B4GALT4: variants seen among roughly 807,000 people sequenced by gnomAD.
B4GALT4 encodes the protein beta-1,4-galactosyltransferase 4, also known as N-acetyllactosamine synthase.
A neutral mutation model predicts 37.3 loss-of-function variants in B4GALT4; 27 were observed. The ratio of observed to expected loss-of-function variants is 0.72; its 90% CI spans 0.53 to 1.00. The LOEUF (loss-of-function observed/expected upper bound fraction) is 1.00. Among genes scored for constraint, B4GALT4 ranks in the 50% least tolerant of loss-of-function variants. The pLI is 0.00. For synonymous variants in B4GALT4, 148 were observed against 154.1 expected (o/e 0.96, Z 0.29); for missense variants, 372 against 413.1 (o/e 0.90, Z 0.86).
chr3:119,227,731 T>G (rs1184249606), intron 3 of B4GALT4, among the ~76,000 whole-genome samples: 1 of 152,174 alleles, frequency 6.6e-6, no homozygotes, highest in South Asian at 2.1e-4. Context: ...GGTTTTTTTG[T>G]TTGTTTGTTT....
chr3:119,220,571 G>A (rs1479116244), intron 5 of B4GALT4, among the ~76,000 whole-genome samples: 2 of 152,202 alleles, frequency 1.3e-5, no homozygotes, highest in Admixed American at 6.5e-5. Context: ...GCAGAAAAAT[G>A]GGGGATCTCC....
chr3:119,221,685 T>C (rs1174408630), intron 5 of B4GALT4, among the ~76,000 whole-genome samples: 1 of 152,108 alleles, frequency 6.6e-6, no homozygotes, highest in African/African-American at 2.4e-5. Flanking sequence ...TAAATCAGAA[T>C]AGAAAATTAA....
intron 1 of B4GALT4, among the ~76,000 whole-genome samples, chr3:119,237,434 A>G (rs1179775176): frequency 6.6e-6 from 1 of 152,244 alleles, no homozygotes; most frequent in Non-Finnish European, 1.5e-5. Flanking sequence ...GCATTTCTCA[A>G]CATCTGGTTC....
chr3:119,235,115 T>C (rs985796200), intron 2 of B4GALT4: 1 of 152,242 alleles, frequency 6.6e-6, no homozygotes, highest in East Asian at 1.9e-4. Context: ...GATAAAATAC[T>C]GAGAAGTCTT....
At chr3:119,226,465 T>G (rs952292588) in intron 4 of B4GALT4, 1 of 262,312 alleles carries the variant, frequency 3.8e-6, no homozygotes, top group Non-Finnish European at 7.3e-6. Flanking sequence ...AATTCCAGAA[T>G]CTCATCATAT....
Position 119,238,689 on chromosome 3 carries a change from G to GA in B4GALT4, c.-363-1620dup, listed in dbSNP as rs561357947. On this transcript the variant is annotated intron_variant, in intron 1 of 7. Transcript: ENST00000393765. ...TAGTATAGATATGTATGCATATATA[G>GA]AAAAAAACAGCGTATATAGGGTTTG... Among the ~76,000 whole-genome samples the GA allele has an allele frequency of 3.9e-5, 6 of 151,960 alleles. No individual in the cohort carries two copies. The South Asian group carries it at 1.2e-3, about 32-fold the overall frequency.
chr3:119,231,627 CTAA>C (rs1490410649), intron 2 of B4GALT4, among the ~76,000 whole-genome samples: 2 of 151,262 alleles, frequency 1.3e-5, no homozygotes, highest in Non-Finnish European at 1.5e-5. Flanking sequence ...GTCTAGAAAG[CTAA>C]TAATAATTAT....
At chr3:119,221,240 T>A (rs1436904422) in intron 5 of B4GALT4, among the ~76,000 whole-genome samples, 1 of 152,204 alleles carries the variant, frequency 6.6e-6, no homozygotes, top group Non-Finnish European at 1.5e-5. Context: ...AATTTGCCAC[T>A]GGCTGGTCCA....
chr3:119,233,258 T>C (rs2078880732), intron 2 of B4GALT4: 1 of 152,212 alleles, frequency 6.6e-6, no homozygotes, highest in South Asian at 2.1e-4. Flanking sequence ...TCCCTCATTC[T>C]ACAGAGTGGG....
intron 5 of B4GALT4, among the ~76,000 whole-genome samples, chr3:119,223,443 G>A (rs538303581): frequency 1.3e-5 from 2 of 152,340 alleles, no homozygotes; most frequent in East Asian, 1.9e-4. Context: ...ATAGGAGCTG[G>A]TGAATCAAAT....
At chr3:119,221,872 A>G (rs1226431420) in intron 5 of B4GALT4, among the ~76,000 whole-genome samples, 1 of 152,208 alleles carries the variant, frequency 6.6e-6, no homozygotes, top group Non-Finnish European at 1.5e-5. Flanking sequence ...CCTAGTTATA[A>G]AAGAAACATC....
At position 119,216,298 on chromosome 3, in the gene B4GALT4, C is replaced by G; in HGVS notation, c.844G>C (p.Gly282Arg). Residue 282 changes from glycine to arginine, a missense_variant, in exon 7 of 8, where the codon GGT becomes CGT. By Grantham distance (125) the Gly-to-Arg change is moderately radical. Transcript: ENST00000393765. ...MKISRPLPEV[G>R]KYTMVFHTRD... ...GTGTGGAAGACCATTGTATATTTAC[C>G]CACTTCAGGCAGGGGCCGGGAAATT... The G allele has an allele frequency of 6.2e-7, 1 of 1,613,620 alleles. No homozygotes were observed. Among genetic ancestry groups the G allele is most frequent in the Non-Finnish European group, 8.5e-7 (1 of 1,179,774 alleles).
chr3:119,221,108 T>G (rs946566816), intron 5 of B4GALT4, among the ~76,000 whole-genome samples: 3 of 152,236 alleles, frequency 2.0e-5, no homozygotes, highest in African/African-American at 7.2e-5. Flanking sequence ...TAACTGGCCC[T>G]GGAACCTTTT....
intron 2 of B4GALT4, chr3:119,235,092 A>G (rs567001351): frequency 1.3e-5 from 2 of 152,370 alleles, no homozygotes; most frequent in South Asian, 4.1e-4. Context: ...GGGAGAACAG[A>G]TGAAACAAGA....
chr3:119,213,221 T>C (rs2078206813), intron 7 of B4GALT4: 1 of 151,888 alleles, frequency 6.6e-6, no homozygotes, highest in Non-Finnish European at 1.5e-5. Flanking sequence ...GTGAAGAAGG[T>C]GAAGGAAAAA....
At chr3:119,226,750 C>A in intron 4 of B4GALT4, 59 bp downstream of exon 4, 1 of 1,453,694 alleles carries the variant, frequency 6.9e-7, no homozygotes, top group Non-Finnish European at 9.5e-7. Flanking sequence ...AGTCACATGG[C>A]CAAGTCTGGC....
Position 119,218,767 on chromosome 3 carries a change from C to T in B4GALT4, c.680G>A (p.Arg227His), listed in dbSNP as rs774839164. Residue 227 changes from arginine (R) to histidine (H), a missense_variant, in exon 6 of 8, where the codon CGT becomes CAT. Coordinates refer to ENST00000393765, the MANE Select transcript of B4GALT4 (RefSeq NM_003778.4). ...VGRNSTGYRL[R>H]YSGYFGGVTA... is the part of the protein sequence containing the mutation. ...AACACCCCCAAAATATCCACTGTAA[C>T]GTAACCTGGAGCAAAAGAGATGAGA... 1.9e-5 allele frequency: 31 copies of T among 1,613,900 alleles called. No homozygotes were observed. The highest frequency in any genetic ancestry group is 2.5e-5 in the Non-Finnish European group (29 of 1,179,988).
chr3:119,224,019 G>A (rs1410313431), intron 5 of B4GALT4, 39 bp downstream of exon 5: 1 of 1,561,374 alleles, frequency 6.4e-7, no homozygotes, highest in East Asian at 2.3e-5. Flanking sequence ...CAATAGTTGA[G>A]CTTCTCGACC....
At chr3:119,233,480 T>C (rs1449115889) in intron 2 of B4GALT4, among the ~76,000 whole-genome samples, 3 of 152,174 alleles carry the variant, frequency 2.0e-5, no homozygotes, top group Non-Finnish European at 2.9e-5. Context: ...AACCTGTGTA[T>C]ACAGAGGGCC....
Sources: allele counts gnomAD v4.1 joint callset (sites outside exome capture counted in the v4.1 genomes callset), GRCh38; gene constraint gnomAD v4.1.1; transcripts MANE v1.5; gene names NCBI Gene and HGNC (gene_info 2026-07-23, HGNC 2026-07-21).